The following NFATC3 variants were observed in gnomAD, a reference collection of about 807,000 sequenced individuals.
NFATC3 encodes nuclear factor of activated T cells 3.
In NFATC3, 46 loss-of-function variants were observed where a neutral mutation model predicts 98.6. The observed-to-expected ratio is 0.47, with a 90% CI of 0.37 to 0.60. The LOEUF is 0.60. Ranked by LOEUF, NFATC3 falls within the 20% of genes least tolerant of loss-of-function variation. NFATC3 has a pLI of 0.00. For synonymous variants in NFATC3, 512 were observed against 472.2 expected (o/e 1.08, Z -1.09); for missense variants, 1,256 against 1,295.5 (o/e 0.97, Z 0.47).
intron 1 of NFATC3, among the ~76,000 whole-genome samples, chr16:68,107,669 G>T (rs890738753): frequency 6.6e-5 from 10 of 152,124 alleles, no homozygotes; most frequent in Non-Finnish European, 1.2e-4. Flanking sequence ...GTTGCAGTGA[G>T]CCGAGATCAT....
chr16:68,206,321 T>C lies in NFATC3; in HGVS notation c.3106+14546T>C, dbSNP rs781052710. Reference sequence around the variant, plus strand: ...CATTAAATACATTCACAATATTGTATAACCACCACCACTTTCTATTTCCAG... The same window carrying C: ...CATTAAATACATTCACAATATTGTACAACCACCACCACTTTCTATTTCCAG... On this transcript the variant is annotated intron_variant, in intron 9 of 9. Transcript: ENST00000346183. 8.5e-5 allele frequency among the ~76,000 whole-genome samples: 13 copies of C among 152,344 alleles called. No homozygotes were observed. In the Middle Eastern group the frequency reaches 0.014, roughly 159 times the overall value.
intron 1 of NFATC3, chr16:68,086,026 C>A: frequency 2.4e-6 from 1 of 411,120 alleles, no homozygotes; most frequent in Non-Finnish European, 4.3e-6. Flanking sequence ...GACTCCGGGA[C>A]GATCGGGGTT....
intron 3 of NFATC3, among the ~76,000 whole-genome samples, chr16:68,151,575 G>T (rs1002169504): frequency 2.0e-5 from 3 of 152,156 alleles, no homozygotes; most frequent in Non-Finnish European, 4.4e-5. Context: ...AATTCTGTGA[G>T]ATGTAGACTA....
chr16:68,087,595 AGTGAACAAT>A (rs1267803345), intron 1 of NFATC3, among the ~76,000 whole-genome samples: 1 of 152,192 alleles, frequency 6.6e-6, no homozygotes, highest in East Asian at 1.9e-4. Context: ...ACCTTCTTAA[AGTGAACAAT>A]TGAGTGCATT....
At chr16:68,116,345 AT>A (rs2036279177) in intron 1 of NFATC3, among the ~76,000 whole-genome samples, 2 of 152,050 alleles carry the variant, frequency 1.3e-5, no homozygotes, top group Admixed American at 1.3e-4. Context: ...CATGGACTGT[AT>A]TTTGCCAACC....
intron 1 of NFATC3, among the ~76,000 whole-genome samples, chr16:68,104,811 C>T (rs959690378): frequency 2.0e-5 from 3 of 151,622 alleles, no homozygotes; most frequent in Non-Finnish European, 4.4e-5. Context: ...CCCACCACCA[C>T]GCTCAGCTAA....
chr16:68,220,771 T>A (rs866802032), intron 9 of NFATC3, among the ~76,000 whole-genome samples: 28 of 129,904 alleles, frequency 2.2e-4, no homozygotes, highest in Non-Finnish European at 2.1e-4. Flanking sequence ...AAAAAAAAAA[T>A]AGCCAGGCAT....
chr16:68,193,117 A>G (rs1189295441), intron 9 of NFATC3, among the ~76,000 whole-genome samples: 4 of 152,278 alleles, frequency 2.6e-5, no homozygotes, highest in Non-Finnish European at 4.4e-5. Flanking sequence ...TCCCTAAACA[A>G]TATAATATTA....
At chr16:68,090,623 T>A (rs2034660557) in intron 1 of NFATC3, among the ~76,000 whole-genome samples, 4 of 152,188 alleles carry the variant, frequency 2.6e-5, no homozygotes, top group Non-Finnish European at 5.9e-5. Flanking sequence ...CTTTTAATTA[T>A]ATTTTTCCAC....
chr16:68,123,448 C>G (rs1208801290), intron 2 of NFATC3, among the ~76,000 whole-genome samples: 1 of 149,498 alleles, frequency 6.7e-6, no homozygotes, highest in Non-Finnish European at 1.5e-5. Flanking sequence ...ATTGCTTGAG[C>G]CCAGGAGTTT....
At chr16:68,146,995 A>G (rs1024824772) in intron 3 of NFATC3, among the ~76,000 whole-genome samples, 3 of 152,272 alleles carry the variant, frequency 2.0e-5, no homozygotes, top group Non-Finnish European at 4.4e-5. Flanking sequence ...AAAGTCTCTC[A>G]GATAGAAAGG....
At chr16:68,115,843 C>T (rs2036248931) in intron 1 of NFATC3, among the ~76,000 whole-genome samples, 1 of 151,980 alleles carries the variant, frequency 6.6e-6, no homozygotes, top group Non-Finnish European at 1.5e-5. Flanking sequence ...AATGTTATTG[C>T]ACATCTAATT....
intron 9 of NFATC3, among the ~76,000 whole-genome samples, chr16:68,196,649 G>A (rs1458804909): frequency 6.6e-6 from 1 of 151,748 alleles, no homozygotes; most frequent in Admixed American, 6.6e-5. Context: ...AGCTGAGATC[G>A]CACCACTGCG....
At position 68,227,841 on chromosome 16, in the gene NFATC3, T is replaced by C. The variant is rs545273601; in HGVS notation, c.*1370T>C. 2 of 151,934 alleles carry C rather than the reference T, an allele frequency of 1.3e-5. No homozygotes were observed. The highest frequency in any genetic ancestry group is 4.2e-4 in the South Asian group (2 of 4,814). 9.4% of individuals were successfully genotyped at this position (151,934 alleles called of 1,614,324 possible). On this transcript the variant is annotated 3_prime_UTR_variant, in exon 10 of 10. Coordinates refer to ENST00000346183, the MANE Select transcript of NFATC3 (RefSeq NM_173165.3). ...GCCCTTACCCCTCTCCCTAATGGGA[T>C]TTTTTTTACCTGTTCCTGGGCCCAT... is the stretch of plus-strand genomic sequence containing the variant.
chr16:68,195,896 CG>C (rs1424070582), intron 9 of NFATC3, among the ~76,000 whole-genome samples: 2 of 152,126 alleles, frequency 1.3e-5, no homozygotes, highest in African/African-American at 4.8e-5. Context: ...CCCTGTCATC[CG>C]GTCTGAAGTG....
At chr16:68,185,599 G>GGC (rs1474858354) in intron 8 of NFATC3, among the ~76,000 whole-genome samples, 2 of 151,980 alleles carry the variant, frequency 1.3e-5, no homozygotes, top group Admixed American at 1.3e-4. Flanking sequence ...CCAGGGGCCG[G>GGC]GCGCGGTGGC....
chr16:68,183,031 A>G lies in NFATC3; in HGVS notation c.1972-209A>G, dbSNP rs556774776. ...CAGAAACCCAATTGGGTGAGTAAAAAGCAATTTCTCTTTTATTGATTAAAA... is the reference window on the plus strand; with the variant it reads ...CAGAAACCCAATTGGGTGAGTAAAAGGCAATTTCTCTTTTATTGATTAAAA... On this transcript the variant is annotated intron_variant, in intron 7 of 9. Transcript: ENST00000346183. Among the ~76,000 whole-genome samples the G allele has an allele frequency of 3.4e-3, 523 of 152,312 alleles. 6 individuals carry two copies. The highest frequency in any genetic ancestry group is 0.012 in the African/African-American group (486 of 41,556).
intron 3 of NFATC3, among the ~76,000 whole-genome samples, chr16:68,138,019 T>C (rs1292924800): frequency 1.3e-5 from 2 of 152,132 alleles, no homozygotes; most frequent in Non-Finnish European, 2.9e-5. Flanking sequence ...CAGATACTCT[T>C]TCTCTTACTT....
Position 68,228,688 on chromosome 16 carries a change from G to A in NFATC3, c.*2217G>A, listed in dbSNP as rs1348474011. On this transcript the variant is annotated 3_prime_UTR_variant, in exon 10 of 10. Transcript: ENST00000346183. The stretch of plus-strand genomic sequence containing the variant: ...TTTGTAGATAAAGACTTAAATTTTT[G>A]TGCAACATAGTGGTGTTAAAGCACA... 2 of 152,578 alleles carry A rather than the reference G, an allele frequency of 1.3e-5. No homozygotes were observed. Among genetic ancestry groups the A allele is most frequent in the African/African-American group, 2.4e-5 (1 of 41,422 alleles). The allele number at this position is 152,578 out of a possible 1,614,324, so 9.5% of individuals were successfully genotyped here.
Sources: allele counts gnomAD v4.1 joint callset (sites outside exome capture counted in the v4.1 genomes callset), GRCh38; gene constraint gnomAD v4.1.1; transcripts MANE v1.5; gene names NCBI Gene and HGNC (gene_info 2026-07-23, HGNC 2026-07-21).